Variants in CELF2 observed in about 807,000 individuals in gnomAD.
CELF2 encodes the protein CUGBP Elav-like family member 2.
Under a neutral mutation model 62.6 loss-of-function variants are expected in CELF2, and 8 were observed. That is an observed-to-expected ratio of 0.13 (90% CI 0.07 to 0.23). The LOEUF is 0.23. CELF2 is among the 10% of genes least tolerant of loss of function. The pLI is 1.00. For synonymous variants in CELF2, 258 were observed against 250.0 expected, an observed-to-expected ratio of 1.03 and a Z score of -0.30; for missense variants, 333 against 671.0, an observed-to-expected ratio of 0.50 and a Z score of 5.56.
intron 1 of CELF2, among the ~76,000 whole-genome samples, chr10:10,817,753 A>G (rs1470379099): frequency 6.6e-6 from 1 of 152,206 alleles, no homozygotes; most frequent in Non-Finnish European, 1.5e-5. Flanking sequence ...TCCAAATCTT[A>G]GCTATTGTAA....
chr10:10,626,390 G>A, the CELF2 span, among the ~76,000 whole-genome samples: 5 of 152,182 alleles, frequency 3.3e-5, no homozygotes, highest in South Asian at 1.0e-3. Flanking sequence ...TTGATCTAGG[G>A]TAGTAAATCT....
At chr10:10,887,135 C>T (rs541523596) in intron 1 of CELF2, among the ~76,000 whole-genome samples, 2 of 146,046 alleles carry the variant, frequency 1.4e-5, no homozygotes, top group African/African-American at 5.0e-5. Context: ...CATTGTTACT[C>T]TTTTTTTTTT....
chr10:11,195,623 A>G (rs1296432438), intron 2 of CELF2, among the ~76,000 whole-genome samples: 2 of 152,350 alleles, frequency 1.3e-5, no homozygotes, highest in South Asian at 2.1e-4. Flanking sequence ...TTATTTTGCC[A>G]TAACCTAGGT....
intron 2 of CELF2, among the ~76,000 whole-genome samples, chr10:11,168,481 C>G (rs912961904): frequency 2.0e-5 from 3 of 152,178 alleles, no homozygotes; most frequent in Non-Finnish European, 2.9e-5. Context: ...CTATGCATGC[C>G]ATTATTATTT....
chr10:10,869,157 T>C (rs2060567276), intron 1 of CELF2, among the ~76,000 whole-genome samples: 1 of 152,102 alleles, frequency 6.6e-6, no homozygotes, highest in South Asian at 2.1e-4. Context: ...AGGGATTAGA[T>C]AGGTCTAAAA....
the CELF2 span, among the ~76,000 whole-genome samples, chr10:10,556,927 A>C: frequency 7.3e-5 from 10 of 137,194 alleles, no homozygotes; most frequent in African/African-American, 2.5e-4. Context: ...TAGATTCTGG[A>C]TATTAGCCCT....
chr10:11,090,065 A>T (rs1216149605), intron 1 of CELF2, among the ~76,000 whole-genome samples: 1 of 152,214 alleles, frequency 6.6e-6, no homozygotes, highest in African/African-American at 2.4e-5. Context: ...AAACCTAGTT[A>T]CTGGGTACTA....
the CELF2 span, among the ~76,000 whole-genome samples, chr10:10,732,816 G>T: frequency 6.6e-6 from 1 of 152,142 alleles, no homozygotes; most frequent in South Asian, 2.1e-4. Flanking sequence ...GAGCCACCAC[G>T]CCCAGCCTCC....
Position 11,010,198 on chromosome 10 carries a change from T to C in CELF2, c.53+4758T>C, listed in dbSNP as rs770165837. The C allele has an allele frequency of 4.6e-5, 7 of 152,214 alleles. No individual in the cohort carries two copies. Among genetic ancestry groups the C allele is most frequent in the Admixed American group, 3.9e-4 (6 of 15,276 alleles). The allele number at this position is 152,214 out of a possible 1,614,324, so 9.4% of individuals were successfully genotyped here. On this transcript the variant is annotated intron_variant, in intron 1 of 12. Transcript: ENST00000416382. The surrounding 1 kb of genome is among the most constrained non-coding windows in gnomAD (Gnocchi z 4.1). ...AGATGCCTTTAAGGTATCATGTCTGTAAATGAAAACTCATGTTGACCTTGT... is the reference window on the plus strand; with the variant it reads ...AGATGCCTTTAAGGTATCATGTCTGCAAATGAAAACTCATGTTGACCTTGT...
chr10:10,750,575 G>C, the CELF2 span, among the ~76,000 whole-genome samples: 3 of 152,254 alleles, frequency 2.0e-5, no homozygotes, highest in African/African-American at 7.2e-5. Context: ...ATTAAATACT[G>C]TCCATTTCCC....
At chr10:10,477,798 G>GC in the CELF2 span, among the ~76,000 whole-genome samples, 2 of 151,340 alleles carry the variant, frequency 1.3e-5, no homozygotes, top group African/African-American at 4.9e-5. Flanking sequence ...TCATCATCTG[G>GC]CCCTTTATAA....
intron 1 of CELF2, among the ~76,000 whole-genome samples, chr10:10,857,226 C>A (rs1377066079): frequency 6.6e-6 from 1 of 152,108 alleles, no homozygotes; most frequent in Non-Finnish European, 1.5e-5. Context: ...GGGGAATCTT[C>A]ACAGGTGTGG....
chr10:10,833,308 C>T (rs936404383), intron 1 of CELF2, among the ~76,000 whole-genome samples: 1 of 152,102 alleles, frequency 6.6e-6, no homozygotes, highest in Non-Finnish European at 1.5e-5. Flanking sequence ...TTCAAAGGCA[C>T]CTATGCTTGA....
chr10:11,142,479 T>C (rs2132293593), intron 1 of CELF2, among the ~76,000 whole-genome samples: 1 of 151,782 alleles, frequency 6.6e-6, no homozygotes, highest in Admixed American at 6.6e-5. Flanking sequence ...GGTCAGGAGA[T>C]CGAGACCATC....
the CELF2 span, among the ~76,000 whole-genome samples, chr10:10,683,937 C>T: frequency 6.6e-6 from 1 of 152,110 alleles, no homozygotes; most frequent in African/African-American, 2.4e-5. Flanking sequence ...CTCCTTTTTC[C>T]TCTTGACTGT....
intron 1 of CELF2, among the ~76,000 whole-genome samples, chr10:11,129,027 C>G (rs1183991559): frequency 6.6e-6 from 1 of 152,058 alleles, no homozygotes; most frequent in Non-Finnish European, 1.5e-5. Flanking sequence ...TCATAAATAG[C>G]TCTTATTATT....
At chr10:11,006,631 T>C (rs2055321579) in intron 1 of CELF2, among the ~76,000 whole-genome samples, 2 of 152,210 alleles carry the variant, frequency 1.3e-5, no homozygotes, top group African/African-American at 4.8e-5. Context: ...TTTACGTAAA[T>C]TACAGTTTTT....
the CELF2 span, among the ~76,000 whole-genome samples, chr10:10,673,899 T>C: frequency 6.6e-5 from 10 of 152,334 alleles, no homozygotes; most frequent in East Asian, 1.5e-3. Flanking sequence ...TATTATATGA[T>C]TTCTGTCTTT....
chr10:10,994,980 T>C (rs954152336), intron 2 of CELF2, among the ~76,000 whole-genome samples: 1 of 152,186 alleles, frequency 6.6e-6, no homozygotes, highest in African/African-American at 2.4e-5. Context: ...TCCCAAGTCC[T>C]GTCTCTGCAA....
Sources: gnomAD v4.1 joint callset for allele counts (sites outside exome capture counted in the v4.1 genomes callset) on GRCh38, gnomAD v4.1.1 for gene constraint, Gnocchi (gnomAD v3.1) non-coding constraint, MANE v1.5 for transcripts, NCBI Gene and HGNC (gene_info 2026-07-23, HGNC 2026-07-21) for gene names.